XKR6: variants seen among roughly 807,000 people sequenced by gnomAD.
XKR6 encodes XK related 6.
A neutral mutation model predicts 56.7 loss-of-function variants in XKR6; 22 were observed. The observed-to-expected ratio is 0.39, with a 90% CI of 0.28 to 0.55. XKR6 has a LOEUF of 0.55. Ranked by LOEUF, XKR6 falls within the 20% of genes least tolerant of loss-of-function variation. XKR6 has a pLI of 0.66. For missense variants in XKR6, 852 were observed against 889.0 expected, an observed-to-expected ratio of 0.96 and a Z score of 0.53; for synonymous variants, 524 against 387.8, an observed-to-expected ratio of 1.35 and a Z score of -4.13.
chr8:11,174,177 T>C (rs949216125), intron 1 of XKR6, among the ~76,000 whole-genome samples: 2 of 152,244 alleles, frequency 1.3e-5, no homozygotes, highest in African/African-American at 2.4e-5. Flanking sequence ...AGCTGCCGAT[T>C]ATCACCTCTC....
intron 1 of XKR6, among the ~76,000 whole-genome samples, chr8:11,153,674 AGTAATCC>A (rs1225589767): frequency 1.6e-4 from 25 of 152,348 alleles, no homozygotes; most frequent in African/African-American, 5.5e-4. Flanking sequence ...TGGTAGCAGC[AGTAATCC>A]TCTAATTCTT....
intron 2 of XKR6, among the ~76,000 whole-genome samples, chr8:10,910,803 C>T (rs1338623852): frequency 1.3e-5 from 2 of 152,216 alleles, no homozygotes; most frequent in East Asian, 3.8e-4. Context: ...GCTTCACAGC[C>T]AGCTGCATAA....
chr8:10,953,991 C>T (rs893414779), intron 1 of XKR6, among the ~76,000 whole-genome samples: 1 of 152,198 alleles, frequency 6.6e-6, no homozygotes, highest in Non-Finnish European at 1.5e-5. Context: ...TGCATCAGTA[C>T]TTCATTCCTT....
At chr8:11,146,033 A>G (rs1187235945) in intron 1 of XKR6, among the ~76,000 whole-genome samples, 1 of 152,146 alleles carries the variant, frequency 6.6e-6, no homozygotes, top group Non-Finnish European at 1.5e-5. Flanking sequence ...TCGGAAATAC[A>G]TATTTATGGT....
chr8:11,174,311 C>T (rs1802543054), intron 1 of XKR6, among the ~76,000 whole-genome samples: 1 of 152,230 alleles, frequency 6.6e-6, no homozygotes, highest in Non-Finnish European at 1.5e-5. Flanking sequence ...GACACTGCAA[C>T]AAAACCCACG....
At chr8:11,160,941 AGGGT>A (rs1801776133) in intron 1 of XKR6, among the ~76,000 whole-genome samples, 1 of 151,542 alleles carries the variant, frequency 6.6e-6, no homozygotes, top group Non-Finnish European at 1.5e-5. Flanking sequence ...AGAAAAAAAA[AGGGT>A]TCACACATTC....
intron 1 of XKR6, among the ~76,000 whole-genome samples, chr8:11,158,949 T>A (rs562449631): frequency 2.0e-5 from 3 of 152,226 alleles, no homozygotes; most frequent in Non-Finnish European, 4.4e-5. Context: ...GAGGACCCGC[T>A]TGCCGGCACT....
chr8:11,201,128 G>C lies in XKR6; in HGVS notation c.212C>G (p.Ser71Cys). ...NTSSCYWGCR[S>C]ACLRSLLGRK... is the part of the protein sequence containing the mutation. ...GCCCAGGAGGGAGCGCAGGCAGGCG[G>C]AGCGGCAGCCCCAGTAGCACGAGGA... The change falls in exon 1 of 3, where the codon TCC becomes TGC. Residue 71 changes from serine to cysteine, a missense_variant. Physicochemically the swap from Ser to Cys is moderately radical, Grantham distance 112. This residue lies in a region of XKR6 where 417 missense variants were observed against 355.2 expected (regional missense o/e 1.17). Transcript: ENST00000416569. The C allele has an allele frequency of 6.6e-7, 1 of 1,512,862 alleles. No individual in the cohort carries two copies. Among genetic ancestry groups the C allele is most frequent in the African/African-American group, 1.4e-5 (1 of 69,656 alleles). 93.7% of individuals were successfully genotyped at this position (1,512,862 alleles called of 1,614,324 possible).
intron 2 of XKR6, among the ~76,000 whole-genome samples, chr8:10,911,860 G>A (rs1360586577): frequency 3.3e-5 from 5 of 149,722 alleles, no homozygotes; most frequent in African/African-American, 9.8e-5. Context: ...GTGTGTATAC[G>A]TGTTTGTATA....
intron 1 of XKR6, among the ~76,000 whole-genome samples, chr8:11,192,888 C>T (rs1563209212): frequency 6.6e-6 from 1 of 152,134 alleles, no homozygotes; most frequent in Non-Finnish European, 1.5e-5. Context: ...TCTGGAGGGG[C>T]CTGAGTTCTA....
Position 11,025,461 on chromosome 8 carries a change from T to C in XKR6, c.765-100631A>G, listed in dbSNP as rs1468358512. On this transcript the variant is annotated intron_variant, in intron 1 of 2. Coordinates refer to ENST00000416569, the MANE Select transcript of XKR6 (RefSeq NM_173683.4). ...CAGACACTTGGGGTGCAGGGAGGGG[T>C]TGCCAATGGGATAGAGGAAGCCAGA... Among the ~76,000 whole-genome samples, 3 of 151,970 alleles carry C rather than the reference T, an allele frequency of 2.0e-5. No homozygotes were observed. In the East Asian group the frequency reaches 5.8e-4, roughly 29 times the overall value.
chr8:10,922,952 C>T (rs948776161), intron 2 of XKR6, among the ~76,000 whole-genome samples: 1 of 152,204 alleles, frequency 6.6e-6, no homozygotes, highest in Non-Finnish European at 1.5e-5. Context: ...GCCACGGTTG[C>T]TCATCCTGTA....
chr8:11,108,595 G>A, intron 1 of XKR6: 1 of 325,566 alleles, frequency 3.1e-6, no homozygotes, highest in Non-Finnish European at 5.9e-6. Flanking sequence ...CCGTGCTTCT[G>A]GGGCAGCCCT....
At chr8:11,082,364 G>A (rs1797753947) in intron 1 of XKR6, among the ~76,000 whole-genome samples, 1 of 152,218 alleles carries the variant, frequency 6.6e-6, no homozygotes, top group Non-Finnish European at 1.5e-5. Flanking sequence ...AATTTTGGAA[G>A]GGCTTGGTTA....
intron 1 of XKR6, among the ~76,000 whole-genome samples, chr8:10,982,897 G>C (rs1381161856): frequency 6.6e-6 from 1 of 152,230 alleles, no homozygotes; most frequent in Non-Finnish European, 1.5e-5. Context: ...ACCAGGGACA[G>C]CTGGCTCCAC....
chr8:11,029,695 G>A (rs1000609335), intron 1 of XKR6, among the ~76,000 whole-genome samples: 3 of 152,136 alleles, frequency 2.0e-5, no homozygotes, highest in Middle Eastern at 3.4e-3. Context: ...GACAGAAGAC[G>A]ACCTCATTGT....
chr8:11,125,134 C>A (rs952228837), intron 1 of XKR6, among the ~76,000 whole-genome samples: 5 of 150,278 alleles, frequency 3.3e-5, no homozygotes, highest in African/African-American at 1.2e-4. Flanking sequence ...AGTATTGATG[C>A]CAGTAGGAAA....
chr8:10,978,673 A>T (rs767807103), intron 1 of XKR6, among the ~76,000 whole-genome samples: 9 of 152,004 alleles, frequency 5.9e-5, no homozygotes, highest in Admixed American at 1.3e-4. Context: ...GCTTTGCTTG[A>T]CCCTCTTCAC....
intron 1 of XKR6, among the ~76,000 whole-genome samples, chr8:11,115,852 G>C (rs1293706110): frequency 6.6e-6 from 1 of 152,200 alleles, no homozygotes; most frequent in Non-Finnish European, 1.5e-5. Flanking sequence ...ATACATTTCT[G>C]AGTTGGCTTA....
Sources: gnomAD v4.1 joint callset for allele counts (sites outside exome capture counted in the v4.1 genomes callset) on GRCh38, gnomAD v4.1.1 for gene constraint, gnomAD v4.1.1 regional missense constraint, MANE v1.5 for transcripts, NCBI Gene and HGNC (gene_info 2026-07-23, HGNC 2026-07-21) for gene names.